Variants in FOXP2 observed in about 807,000 individuals in gnomAD.
FOXP2 encodes forkhead box P2.
FOXP2 carries 12 observed loss-of-function variants against 115.8 expected under a neutral mutation model. The observed-to-expected ratio is 0.10, with a 90% CI of 0.07 to 0.17. The LOEUF is 0.17. Ranked by LOEUF, FOXP2 falls within the 10% of genes least tolerant of loss-of-function variation. The pLI, the probability that FOXP2 is intolerant of heterozygous loss-of-function variation, is 1.00. For missense variants in FOXP2, 629 were observed against 843.5 expected (o/e 0.75, Z 3.15); for synonymous variants, 328 against 297.7 (o/e 1.10, Z -1.05).
At chr7:114,101,062 G>T (rs1215372763) in intron 1 of FOXP2, among the ~76,000 whole-genome samples, 1 of 152,116 alleles carries the variant, frequency 6.6e-6, no homozygotes, top group Non-Finnish European at 1.5e-5. Flanking sequence ...ATAGCAAGCA[G>T]CATGAGTTTC....
At chr7:114,295,613 A>G (rs1047879373) in intron 2 of FOXP2, among the ~76,000 whole-genome samples, 12 of 152,166 alleles carry the variant, frequency 7.9e-5, no homozygotes, top group Admixed American at 6.5e-4. Flanking sequence ...TTGAGTTTTT[A>G]CTATTGTCTG....
chr7:114,109,449 A>G (rs1262559174), intron 1 of FOXP2, among the ~76,000 whole-genome samples: 1 of 152,084 alleles, frequency 6.6e-6, no homozygotes, highest in Non-Finnish European at 1.5e-5. Context: ...AGAATGCAGT[A>G]TGTCGAAATA....
chr7:114,234,388 A>G (rs1794958931), intron 1 of FOXP2, among the ~76,000 whole-genome samples: 1 of 152,186 alleles, frequency 6.6e-6, no homozygotes, highest in Non-Finnish European at 1.5e-5. Context: ...ATTAAGCATT[A>G]TTGTGGTATT....
intron 3 of FOXP2, among the ~76,000 whole-genome samples, chr7:114,545,254 T>G (rs1799858598): frequency 6.6e-6 from 1 of 152,190 alleles, no homozygotes; most frequent in Admixed American, 6.5e-5. Context: ...CTAGTGATAC[T>G]TCAGGTTACT....
At chr7:114,636,938 C>T (rs1053783044) in intron 6 of FOXP2, among the ~76,000 whole-genome samples, 3 of 152,122 alleles carry the variant, frequency 2.0e-5, no homozygotes, top group Admixed American at 2.0e-4. Flanking sequence ...ATTTGGGAGG[C>T]TGAGGCTGGA....
At chr7:114,417,899 G>A (rs1256236449) in intron 1 of FOXP2, among the ~76,000 whole-genome samples, 12 of 151,860 alleles carry the variant, frequency 7.9e-5, no homozygotes, top group Non-Finnish European at 1.6e-4. Flanking sequence ...AGAAATACAC[G>A]AACTGATATA....
chr7:114,566,431 G>GTGAT lies in FOXP2; in HGVS notation c.258+31726_258+31729dup, dbSNP rs139510189. 6.8e-3 allele frequency among the ~76,000 whole-genome samples: 1,027 copies of GTGAT among 152,134 alleles called. 9 individuals carry two copies. The highest frequency in any genetic ancestry group is 0.024 in the African/African-American group (982 of 41,510). On this transcript the variant is annotated intron_variant, in intron 3 of 16. Transcript: ENST00000350908. ...CTTGGTGCCATCCTTGTGATGGTGA[G>GTGAT]TGATCTCTCACTCTACTAGTTCCCA...
At chr7:114,595,101 A>G (rs1253691145) in intron 3 of FOXP2, among the ~76,000 whole-genome samples, 1 of 152,060 alleles carries the variant, frequency 6.6e-6, no homozygotes, top group African/African-American at 2.4e-5. Context: ...TAATAAGGAA[A>G]AGGCACCCTT....
At chr7:114,463,232 G>A (rs1795658034) in intron 2 of FOXP2, 3 of 227,426 alleles carry the variant, frequency 1.3e-5, no homozygotes, top group Non-Finnish European at 9.2e-6. Context: ...TTAAATCAAT[G>A]ATTAGTATAT....
rs1326252633 is a variant in FOXP2 at position 114,642,806 on chromosome 7, A to T, written c.989+183A>T. Among the ~76,000 whole-genome samples, 22,474 of 42,572 alleles carry T rather than the reference A, an allele frequency of 0.53. 5,763 individuals carry two copies. Among genetic ancestry groups the T allele is most frequent in the East Asian group, 0.77 (2,383 of 3,106 alleles). The allele number at this position is 42,572 out of a possible 152,430, so 27.9% of individuals were successfully genotyped here. A position where few individuals can be genotyped will look rare whatever the true frequency, so the allele number is the denominator to read the frequency against. ...TATATATATATATATATATATATAT[A>T]TATATATTTTTTTTTTTTTTTAGGC... On this transcript the variant is annotated intron_variant, in intron 7 of 16. Transcript: ENST00000350908.
Position 114,692,323 on chromosome 7 carries a change from T to C in FOXP2, c.*2397T>C. 2.2e-6 allele frequency: 1 copy of C among 453,964 alleles called. No homozygotes were observed. The highest frequency in any genetic ancestry group is 4.4e-6 in the Non-Finnish European group (1 of 226,714). 28.1% of individuals were successfully genotyped at this position (453,964 alleles called of 1,614,324 possible). A position where few individuals can be genotyped will look rare whatever the true frequency, so the allele number is the denominator to read the frequency against. On this transcript the variant is annotated 3_prime_UTR_variant, in exon 17 of 17. Coordinates refer to ENST00000350908, the MANE Select transcript of FOXP2 (RefSeq NM_014491.4). ...CACAGAATGCATATACCTGTAGAGT[T>C]TTGCATGGGTTTTATATGAATACAA... is the stretch of plus-strand genomic sequence containing the variant.
At chr7:114,172,883 C>G (rs1354609407) in intron 1 of FOXP2, among the ~76,000 whole-genome samples, 1 of 151,924 alleles carries the variant, frequency 6.6e-6, no homozygotes, top group Non-Finnish European at 1.5e-5. Flanking sequence ...ATTTAAAAAA[C>G]AATATTTCGT....
chr7:114,335,989 T>C (rs1361276657), intron 2 of FOXP2, among the ~76,000 whole-genome samples: 1 of 151,774 alleles, frequency 6.6e-6, no homozygotes, highest in Non-Finnish European at 1.5e-5. Context: ...TTATCTATAA[T>C]AATGAATTAA....
upstream of FOXP2, among the ~76,000 whole-genome samples, chr7:114,412,725 C>G (rs1257942503): frequency 1.3e-5 from 2 of 152,106 alleles, no homozygotes; most frequent in Non-Finnish European, 2.9e-5. Flanking sequence ...GAGATGGGCT[C>G]TTGACACTGT....
intron 2 of FOXP2, among the ~76,000 whole-genome samples, chr7:114,392,153 G>A (rs1792619547): frequency 6.6e-6 from 1 of 152,170 alleles, no homozygotes; most frequent in African/African-American, 2.4e-5. Flanking sequence ...GGAAGCTGAA[G>A]CAGACAGTTT....
intron 16 of FOXP2, among the ~76,000 whole-genome samples, chr7:114,672,592 A>T (rs1372116843): frequency 1.7e-5 from 2 of 120,654 alleles, no homozygotes; most frequent in Admixed American, 1.9e-4. Flanking sequence ...CTCAAAAAAA[A>T]AAATACCTAT....
At chr7:114,300,227 G>A (rs375273846) in intron 2 of FOXP2, among the ~76,000 whole-genome samples, 14 of 152,162 alleles carry the variant, frequency 9.2e-5, no homozygotes, top group Admixed American at 6.5e-4. Flanking sequence ...CACAGATGAC[G>A]ATTCAATCTA....
chr7:114,354,327 G>A (rs1158280482), intron 2 of FOXP2, among the ~76,000 whole-genome samples: 1 of 151,964 alleles, frequency 6.6e-6, no homozygotes, highest in Non-Finnish European at 1.5e-5. Context: ...GGACTTCTCG[G>A]CCTCCATAAT....
intron 1 of FOXP2, among the ~76,000 whole-genome samples, chr7:114,111,116 G>A (rs953320643): frequency 5.3e-5 from 8 of 152,150 alleles, no homozygotes; most frequent in Admixed American, 2.0e-4. Context: ...CTGCATTAAT[G>A]CCTGCAATCA....
Sources: gnomAD v4.1 joint callset for allele counts (sites outside exome capture counted in the v4.1 genomes callset) on GRCh38, gnomAD v4.1.1 for gene constraint, MANE v1.5 for transcripts, NCBI Gene and HGNC (gene_info 2026-07-23, HGNC 2026-07-21) for gene names.